The following PCDHGA3 variants were observed in gnomAD, a reference collection of about 807,000 sequenced individuals.
The protein encoded by PCDHGA3 is protocadherin gamma-A3.
In PCDHGA3, 40 loss-of-function variants were observed where a neutral mutation model predicts 58.5. That is an observed-to-expected ratio of 0.68 (90% CI 0.53 to 0.89). The LOEUF (loss-of-function observed/expected upper bound fraction) is 0.89, where lower values mean the gene tolerates loss of function less well. PCDHGA3 is among the 40% of genes least tolerant of loss of function. The pLI is 0.00. For missense variants in PCDHGA3, 1,223 were observed against 1,195.9 expected (o/e 1.02, Z -0.33); for synonymous variants, 530 against 525.7 (o/e 1.01, Z -0.11).
chr5:141,418,360 G>A (rs544948410), intron 1 of PCDHGA3: 3 of 1,613,990 alleles, frequency 1.9e-6, no homozygotes, highest in Non-Finnish European at 2.5e-6. Context: ...TGAATTCGCT[G>A]AGCAAATACC....
At chr5:141,475,132 T>C (rs563015610) in intron 1 of PCDHGA3, among the ~76,000 whole-genome samples, 14 of 152,322 alleles carry the variant, frequency 9.2e-5, no homozygotes, top group African/African-American at 2.6e-4. Context: ...TTTTTTCTTT[T>C]TGAAATCTTC....
intron 1 of PCDHGA3, chr5:141,365,455 T>G: frequency 1.2e-6 from 2 of 1,614,042 alleles, no homozygotes; most frequent in Non-Finnish European, 1.7e-6. Context: ...ATGATGGTGA[T>G]TCTGGAGAAA....
chr5:141,388,706 T>C (rs1189291267), intron 1 of PCDHGA3: 2 of 1,613,856 alleles, frequency 1.2e-6, no homozygotes, highest in African/African-American at 2.7e-5. Flanking sequence ...AGGGTGTCAA[T>C]GCCGAGATTA....
Position 141,476,447 on chromosome 5 carries a change from G to A in PCDHGA3, c.2425-18360G>A. 2 of 1,614,130 alleles carry A rather than the reference G, an allele frequency of 1.2e-6. No homozygotes were observed. The highest frequency in any genetic ancestry group is 1.7e-6 in the Non-Finnish European group (2 of 1,180,026). On this transcript the variant is annotated intron_variant, in intron 1 of 3. Transcript: ENST00000253812. This position sits in a 1 kb window ranked among gnomAD's most constrained non-coding sequence, Gnocchi z 7.6. ...CTCTTGCACTGTAACTCTGGAGTTGGTAGTGGAGAACCCGCTGGAGCTGTT... is the reference window on the plus strand; with the variant it reads ...CTCTTGCACTGTAACTCTGGAGTTGATAGTGGAGAACCCGCTGGAGCTGTT...
chr5:141,491,131 G>A lies in PCDHGA3; in HGVS notation c.2425-3676G>A. 1 of 1,614,182 alleles carries A rather than the reference G, an allele frequency of 6.2e-7. No individual in the cohort carries two copies. Among genetic ancestry groups the A allele is most frequent in the Non-Finnish European group, 8.5e-7 (1 of 1,180,008 alleles). ...TACACACACTGGTGAGGTGCGCACA[G>A]CCCGGGCCTTACTGGAGGATGACTC... On this transcript the variant is annotated intron_variant, in intron 1 of 3. Coordinates refer to ENST00000253812, the MANE Select transcript of PCDHGA3 (RefSeq NM_018916.4). This position sits in a 1 kb window ranked among gnomAD's most constrained non-coding sequence, Gnocchi z 6.9.
intron 1 of PCDHGA3, chr5:141,362,322 T>A (rs369360424): frequency 5.1e-5 from 83 of 1,614,066 alleles, no homozygotes; most frequent in Admixed American, 1.3e-4. Context: ...GTTTTCAGCC[T>A]GGTCTCAGCT....
At chr5:141,503,729 G>C (rs531112359) in intron 2 of PCDHGA3, among the ~76,000 whole-genome samples, 1 of 152,190 alleles carries the variant, frequency 6.6e-6, no homozygotes, top group East Asian at 1.9e-4. Flanking sequence ...CTTTATGTTT[G>C]TTGTGATGGT....
At chr5:141,415,736 TA>T in intron 1 of PCDHGA3, 1 of 1,289,980 alleles carries the variant, frequency 7.8e-7, no homozygotes, top group South Asian at 1.8e-5. Context: ...TGATGTTTAT[TA>T]AGGTTTTTTT....
intron 1 of PCDHGA3, among the ~76,000 whole-genome samples, chr5:141,446,381 T>C (rs1225260527): frequency 1.3e-5 from 2 of 152,248 alleles, no homozygotes; most frequent in Non-Finnish European, 2.9e-5. Flanking sequence ...TAAAGAATGA[T>C]AGATTTAAGA....
At chr5:141,403,116 A>G (rs1313523426) in intron 1 of PCDHGA3, 6 of 1,614,042 alleles carry the variant, frequency 3.7e-6, no homozygotes, top group Non-Finnish European at 5.1e-6. Flanking sequence ...CTGGCTCTGG[A>G]GCCCCGGGAG....
chr5:141,438,789 G>C (rs970735448), intron 1 of PCDHGA3, among the ~76,000 whole-genome samples: 23 of 149,578 alleles, frequency 1.5e-4, no homozygotes, highest in African/African-American at 5.4e-4. Flanking sequence ...AGCCTCTCCA[G>C]TAGCTGGGAT....
At position 141,417,888 on chromosome 5, in the gene PCDHGA3, G is replaced by C. The variant is rs1406210540; in HGVS notation, c.2424+71431G>C. ...GGAGGGAGCTGCGCGCAGAGGCGCC[G>C]GGCCGGCCCGCGGCAGGTACTATTT... is the stretch of plus-strand genomic sequence containing the variant. On this transcript the variant is annotated intron_variant, in intron 1 of 3. Transcript: ENST00000253812. 1.3e-6 allele frequency: 2 copies of C among 1,566,652 alleles called. No homozygotes were observed. The highest frequency in any genetic ancestry group is 1.7e-4 in the Middle Eastern group (1 of 6,016).
intron 1 of PCDHGA3, among the ~76,000 whole-genome samples, chr5:141,349,528 T>C (rs966849031): frequency 1.3e-5 from 2 of 152,244 alleles, no homozygotes; most frequent in Non-Finnish European, 2.9e-5. Flanking sequence ...GGAAAGATTA[T>C]CTATATTTTA....
chr5:141,432,250 A>T lies in PCDHGA3; in HGVS notation c.2425-62557A>T. ...ATTCCCTGGCTGAGAACACCATCCA[A>T]GGGGCAAGCCTATCGTCCTACGTGT... is the stretch of plus-strand genomic sequence containing the variant. On this transcript the variant is annotated intron_variant, in intron 1 of 3. Transcript: ENST00000253812. This position sits in a 1 kb window ranked among gnomAD's most constrained non-coding sequence, Gnocchi z 6.0. 1 of 1,614,234 alleles carries T rather than the reference A, an allele frequency of 6.2e-7. No homozygotes were observed. Among genetic ancestry groups the T allele is most frequent in the Non-Finnish European group, 8.5e-7 (1 of 1,180,054 alleles).
intron 1 of PCDHGA3, chr5:141,374,893 T>C (rs1261699013): frequency 1.9e-6 from 3 of 1,613,834 alleles, no homozygotes. Context: ...CCGACCAGGA[T>C]GAAGGAGTCC....
At chr5:141,370,437 CG>C (rs1561546503) in intron 1 of PCDHGA3, 6 of 1,603,792 alleles carry the variant, frequency 3.7e-6, no homozygotes, top group Non-Finnish European at 5.1e-6. Context: ...AGGGCAGAGG[CG>C]AATGCTATTT....
chr5:141,408,921 C>T (rs1228341286), intron 1 of PCDHGA3: 2 of 1,613,462 alleles, frequency 1.2e-6, no homozygotes, highest in African/African-American at 1.3e-5. Flanking sequence ...GATAACCCCC[C>T]GGTTTTCAGC....
At position 141,431,918 on chromosome 5, in the gene PCDHGA3, C is replaced by T; in HGVS notation, c.2425-62889C>T. On this transcript the variant is annotated intron_variant, in intron 1 of 3. Transcript: ENST00000253812. This position sits in a 1 kb window ranked among gnomAD's most constrained non-coding sequence, Gnocchi z 4.8. Reference sequence around the variant, plus strand: ...AAACGGACAGGTGATCTGTTTCATCCAAGGAAATCTGCCCTTTAAATTAGA... The same window carrying T: ...AAACGGACAGGTGATCTGTTTCATCTAAGGAAATCTGCCCTTTAAATTAGA... The T allele has an allele frequency of 6.2e-7, 1 of 1,613,998 alleles. No individual in the cohort carries two copies. The highest frequency in any genetic ancestry group is 8.5e-7 in the Non-Finnish European group (1 of 1,179,862).
Position 141,477,230 on chromosome 5 carries a change from G to A in PCDHGA3, c.2425-17577G>A, listed in dbSNP as rs768648952. The A allele has an allele frequency of 1.3e-5, 21 of 1,614,164 alleles. No individual in the cohort carries two copies. The highest frequency in any genetic ancestry group is 1.8e-5 in the Non-Finnish European group (21 of 1,180,046). On this transcript the variant is annotated intron_variant, in intron 1 of 3. Coordinates refer to ENST00000253812, the MANE Select transcript of PCDHGA3 (RefSeq NM_018916.4). This position sits in a 1 kb window ranked among gnomAD's most constrained non-coding sequence, Gnocchi z 4.9. ...GGATGCCCCTCTGGGGACTGTCATC[G>A]CTTTGCTCAGTGTGACTGACCTGGA...
Sources: gnomAD v4.1 joint callset for allele counts (sites outside exome capture counted in the v4.1 genomes callset) on GRCh38, gnomAD v4.1.1 for gene constraint, Gnocchi (gnomAD v3.1) non-coding constraint, MANE v1.5 for transcripts, NCBI Gene and HGNC (gene_info 2026-07-23, HGNC 2026-07-21) for gene names.